Variants in SELENOO observed in about 807,000 individuals in gnomAD.
SELENOO encodes selenoprotein O, also known as protein adenylyltransferase SelO, mitochondrial.
SELENOO carries 74 observed loss-of-function variants against 58.7 expected under a neutral mutation model. The ratio of observed to expected loss-of-function variants is 1.26; its 90% CI spans 1.04 to 1.53. SELENOO has a LOEUF of 1.53. SELENOO is among the 40% of genes most tolerant of loss of function. The pLI is 0.00. For missense variants in SELENOO, 1,149 were observed against 970.0 expected (o/e 1.18, Z -2.45); for synonymous variants, 543 against 453.2 (o/e 1.20, Z -2.52).
In SELENOO at chr22:50,210,657, C is replaced by T. The variant is rs1423797394; in HGVS notation, c.1097C>T (p.Ala366Val). Reference sequence around the variant, plus strand: ...TACGACCCCGACCACGTGTGCAATGCCTCCGACAACACCGGCCGCTACGCG... The same window carrying T: ...TACGACCCCGACCACGTGTGCAATGTCTCCGACAACACCGGCCGCTACGCG... ...DRYDPDHVCNASDNTGRYAYS... is the reference protein window; with the variant it reads ...DRYDPDHVCNVSDNTGRYAYS... The change falls in exon 5 of 9, where the codon GCC becomes GTC. Residue 366 changes from alanine to valine, a missense_variant. Coordinates refer to ENST00000380903, the MANE Select transcript of SELENOO (RefSeq NM_031454.2). 7 of 1,612,974 alleles carry T rather than the reference C, an allele frequency of 4.3e-6. No homozygotes were observed. The highest frequency in any genetic ancestry group is 5.9e-6 in the Non-Finnish European group (7 of 1,179,880).
intron 1 of SELENOO, 190 bp from the exon 2 acceptor site, chr22:50,206,127 G>T: frequency 1.7e-6 from 1 of 603,530 alleles, no homozygotes; most frequent in East Asian, 2.8e-5. Flanking sequence ...CTGCTGGGCT[G>T]TGAGGTTGCT....
chr22:50,206,273 ACCT>A (rs1408786816), intron 1 of SELENOO, 41 bp from the exon 2 acceptor site: 30 of 1,552,268 alleles, frequency 1.9e-5, no homozygotes, highest in Admixed American at 6.7e-5. Flanking sequence ...GTGTTGGGTG[ACCT>A]CCTGACCGGC....
Position 50,216,743 on chromosome 22 carries a change from C to T in SELENOO, c.1555C>T (p.Leu519Phe). ...LAQSNPQLFA[L>F]MGTRAGIARE... ...GCAGTCAAACCCGCAGCTGTTCGCG[C>T]TTATGGGCACCCGGGCAGGCATCGC... Residue 519 changes from leucine to phenylalanine, a missense_variant, in exon 7 of 9, where the codon CTT becomes TTT. By Grantham distance (22) the Leu-to-Phe change is conservative (BLOSUM62 0). Transcript: ENST00000380903. 1 of 1,606,978 alleles carries T rather than the reference C, an allele frequency of 6.2e-7. No homozygotes were observed. Among genetic ancestry groups the T allele is most frequent in the Non-Finnish European group, 8.5e-7 (1 of 1,179,002 alleles).
intron 1 of SELENOO, among the ~76,000 whole-genome samples, chr22:50,203,946 T>C (rs1403173315): frequency 1.3e-5 from 2 of 152,110 alleles, no homozygotes; most frequent in Non-Finnish European, 2.9e-5. Flanking sequence ...ATATATCTGA[T>C]AAGTAATTAA....
rs779455562 is a variant in SELENOO at position 50,217,289 on chromosome 22, G to A, written c.1930G>A (p.Gly644Arg). The part of the protein sequence containing the change: ...ATDAEATEAD[G>R]ADGRQRSYSS... ...AGACGCCGAGGCCACGGAAGCCGACGGGGCGGACGGCAGGCAGCGCTCCTA... is the reference window on the plus strand; with the variant it reads ...AGACGCCGAGGCCACGGAAGCCGACAGGGCGGACGGCAGGCAGCGCTCCTA... The change falls in exon 9 of 9, where the codon GGG becomes AGG. Residue 644 changes from glycine (G) to arginine (R), a missense_variant. Gly to Arg is a moderately radical substitution (Grantham distance 125, BLOSUM62 -2). Transcript: ENST00000380903. 39 of 1,612,528 alleles carry A rather than the reference G, an allele frequency of 2.4e-5. No individual in the cohort carries two copies. The highest frequency in any genetic ancestry group is 4.0e-5 in the African/African-American group (3 of 74,926).
intron 3 of SELENOO, among the ~76,000 whole-genome samples, chr22:50,209,869 C>CA (rs988974381): frequency 2.4e-4 from 37 of 152,338 alleles, no homozygotes; most frequent in African/African-American, 8.4e-4. Context: ...TGTGGCCCCT[C>CA]AGTGAACTGA....
At position 50,210,836 on chromosome 22, in the gene SELENOO, C is replaced by T; in HGVS notation, c.1276C>T (p.Leu426=). 6.2e-7 allele frequency: 1 copy of T among 1,614,132 alleles called. No homozygotes were observed. Among genetic ancestry groups the T allele is most frequent in the Non-Finnish European group, 8.5e-7 (1 of 1,180,036 alleles). The change falls in exon 5 of 9, where the codon CTG becomes TTG. Residue 426 remains leucine (L), a synonymous_variant. Coordinates refer to ENST00000380903, the MANE Select transcript of SELENOO (RefSeq NM_031454.2). ...RHYLQKMRRK[L]GLVQVELEED... The stretch of plus-strand genomic sequence containing the variant: ...CTACCTGCAGAAGATGCGCAGGAAG[C>T]TGGGCCTCGTGCAGGTGGAGCTGGA...
rs1340527105 is a variant in SELENOO, at chr22:50,216,680, C to T, written c.1503-11C>T. On this transcript the variant is annotated splice_polypyrimidine_tract_variant and intron_variant, in intron 6 of 8. Coordinates refer to ENST00000380903, the MANE Select transcript of SELENOO (RefSeq NM_031454.2). ...AGGGGCTACCTCCCAGACACCCTGG[C>T]CTCTCCACAGGCAGCTATCCATGAT... 4.4e-6 allele frequency: 7 copies of T among 1,575,134 alleles called. No homozygotes were observed. Among genetic ancestry groups the T allele is most frequent in the Middle Eastern group, 2.2e-4 (1 of 4,610 alleles).
intron 2 of SELENOO, 76 bp from the exon 3 acceptor site, chr22:50,208,460 G>A (rs767111617): frequency 5.8e-6 from 8 of 1,372,208 alleles, no homozygotes; most frequent in African/African-American, 1.5e-5. Context: ...CCACAACAAC[G>A]TCTTTTCCTT....
intron 1 of SELENOO, among the ~76,000 whole-genome samples, chr22:50,204,968 G>A (rs1340893504): frequency 6.6e-6 from 1 of 152,242 alleles, no homozygotes; most frequent in Non-Finnish European, 1.5e-5. Flanking sequence ...AGGACGTGGT[G>A]CAGTGAAATA....
At chr22:50,210,491 G>A (rs974374370) in intron 4 of SELENOO, 140 bp from the exon 5 acceptor site, 28 of 1,387,694 alleles carry the variant, frequency 2.0e-5, no homozygotes, top group Middle Eastern at 2.2e-4. Context: ...AGGGGCTGGT[G>A]AGACAGGACC....
In SELENOO at chr22:50,216,881, G is replaced by A; in HGVS notation, c.1688+5G>A. The A allele has an allele frequency of 6.2e-7, 1 of 1,606,018 alleles. No homozygotes were observed. The highest frequency in any genetic ancestry group is 8.5e-7 in the Non-Finnish European group (1 of 1,178,854). ...TGACTGGCTACAGGCGTACAGGTGA[G>A]CCCTGCGTCCATGGTCACCGGGGGA... On this transcript the variant is annotated splice_donor_5th_base_variant and intron_variant, in intron 7 of 8. Transcript: ENST00000380903.
At chr22:50,211,167 G>A (rs529501647) in intron 5 of SELENOO, among the ~76,000 whole-genome samples, 4 of 152,288 alleles carry the variant, frequency 2.6e-5, no homozygotes, top group East Asian at 3.9e-4. Flanking sequence ...ACCCAGGTCC[G>A]TATCAGGATT....
chr22:50,201,302 C>G lies in SELENOO; in HGVS notation c.266C>G (p.Pro89Arg). The change falls in exon 1 of 9, where the codon CCG becomes CGG. Residue 89 changes from proline to arginine, a missense_variant. Coordinates refer to ENST00000380903, the MANE Select transcript of SELENOO (RefSeq NM_031454.2). ...GACFTRVQPT[P>R]LRQPRLVALS... ...TGCTTCACCCGCGTGCAGCCCACCC[C>G]GCTGCGGCAGCCGCGCCTCGTGGCG... is the stretch of plus-strand genomic sequence containing the variant. The G allele has an allele frequency of 9.1e-7, 1 of 1,104,928 alleles. No individual in the cohort carries two copies. Among genetic ancestry groups the G allele is most frequent in the Non-Finnish European group, 1.1e-6 (1 of 909,490 alleles). 68.4% of individuals were successfully genotyped at this position (1,104,928 alleles called of 1,614,324 possible). A position where few individuals can be genotyped will look rare whatever the true frequency, so the allele number is the denominator to read the frequency against.
chr22:50,202,038 G>C (rs2064306168), intron 1 of SELENOO, among the ~76,000 whole-genome samples: 2 of 152,268 alleles, frequency 1.3e-5, no homozygotes, highest in South Asian at 4.2e-4. Flanking sequence ...ATTTCTGTGG[G>C]GGGGCACACA....
Position 50,210,689 on chromosome 22 carries a change from A to G in SELENOO, c.1129A>G (p.Lys377Glu), listed in dbSNP as rs2064364163. 6.2e-7 allele frequency: 1 copy of G among 1,613,310 alleles called. No homozygotes were observed. Among genetic ancestry groups the G allele is most frequent in the Admixed American group, 1.7e-5 (1 of 60,028 alleles). ...CAACACCGGCCGCTACGCGTACAGCAAGCAGCCCGAGGTGTGCAGGTGGAA... is the reference window on the plus strand; with the variant it reads ...CAACACCGGCCGCTACGCGTACAGCGAGCAGCCCGAGGTGTGCAGGTGGAA... ...SDNTGRYAYS[K>E]QPEVCRWNLR... The change falls in exon 5 of 9, where the codon AAG becomes GAG. Residue 377 changes from lysine to glutamate, a missense_variant. Physicochemically the swap from Lys to Glu is moderately conservative, Grantham distance 56. Coordinates refer to ENST00000380903, the MANE Select transcript of SELENOO (RefSeq NM_031454.2).
At chr22:50,216,533 T>C (rs1602497719) in intron 6 of SELENOO, among the ~76,000 whole-genome samples, 158 bp from the exon 7 acceptor site, 1 of 152,210 alleles carries the variant, frequency 6.6e-6, no homozygotes, top group African/African-American at 2.4e-5. Context: ...CTGGGGTCCA[T>C]CCCTGCCAGT....
chr22:50,215,168 C>T (rs1437881826), intron 5 of SELENOO, among the ~76,000 whole-genome samples: 1 of 152,178 alleles, frequency 6.6e-6, no homozygotes, highest in Non-Finnish European at 1.5e-5. Context: ...GTGTCTGTCA[C>T]AAGTTGGGCC....
intron 6 of SELENOO, 99 bp from the exon 7 acceptor site, chr22:50,216,592 A>C (rs753879111): frequency 2.9e-4 from 334 of 1,166,222 alleles, no homozygotes; most frequent in Non-Finnish European, 3.9e-4. Context: ...CTTGGACTCT[A>C]GGTGAGCCGT....
Sources: gnomAD v4.1 joint callset for allele counts (sites outside exome capture counted in the v4.1 genomes callset) on GRCh38, gnomAD v4.1.1 for gene constraint, MANE v1.5 for transcripts, NCBI Gene and HGNC (gene_info 2026-07-23, HGNC 2026-07-21) for gene names.